Variants in MAML3 observed in about 807,000 individuals in gnomAD.
The protein encoded by MAML3 is mastermind-like protein 3.
A neutral mutation model predicts 101.9 loss-of-function variants in MAML3; 27 were observed. The observed-to-expected ratio is 0.27, with a 90% confidence interval of 0.20 to 0.37. MAML3 has a LOEUF of 0.37. MAML3 is among the 10% of genes least tolerant of loss of function. MAML3 has a pLI of 1.00. For synonymous variants in MAML3, 501 were observed against 555.9 expected, an observed-to-expected ratio of 0.90 and a Z score of 1.39; for missense variants, 1,316 against 1,444.9, an observed-to-expected ratio of 0.91 and a Z score of 1.45.
rs1017740619 is a variant in MAML3 at position 139,897,515 on chromosome 4, C to T, written c.469-6548G>A. Among the ~76,000 whole-genome samples, 11 of 152,232 alleles carry T rather than the reference C, an allele frequency of 7.2e-5. No homozygotes were observed. The South Asian group carries it at 2.1e-3, about 29-fold the overall frequency. The stretch of plus-strand genomic sequence containing the variant: ...GATCTTCCTTGGTTCCAGCATTTCC[C>T]CACCAACCATACCCAATTAAACCTC... On this transcript the variant is annotated intron_variant, in intron 1 of 4. Coordinates refer to ENST00000509479, the MANE Select transcript of MAML3 (RefSeq NM_018717.5).
At chr4:139,925,860 G>A (rs1463288670) in intron 1 of MAML3, among the ~76,000 whole-genome samples, 1 of 152,222 alleles carries the variant, frequency 6.6e-6, no homozygotes, top group Non-Finnish European at 1.5e-5. Context: ...GGCAAAGGAA[G>A]TGAAGGGTGT....
intron 1 of MAML3, among the ~76,000 whole-genome samples, chr4:139,960,509 A>T (rs980878233): frequency 6.6e-6 from 1 of 152,182 alleles, no homozygotes; most frequent in East Asian, 1.9e-4. Context: ...CAACCTATGG[A>T]GACACGTTCC....
At chr4:139,832,200 G>C in intron 2 of MAML3, among the ~76,000 whole-genome samples, 1 of 148,294 alleles carries the variant, frequency 6.7e-6, no homozygotes, top group East Asian at 2.0e-4. Context: ...CACCTCCCGG[G>C]TTCAAGTGAT....
intron 1 of MAML3, among the ~76,000 whole-genome samples, chr4:140,068,251 A>T (rs749309262): frequency 4.6e-5 from 7 of 152,136 alleles, no homozygotes; most frequent in Non-Finnish European, 1.0e-4. Context: ...GGCTTTATTA[A>T]TCTTTGCATT....
intron 2 of MAML3, among the ~76,000 whole-genome samples, chr4:139,818,998 T>C (rs1730932719): frequency 6.6e-6 from 1 of 152,190 alleles, no homozygotes; most frequent in South Asian, 2.1e-4. Context: ...TATGAACTCA[T>C]TTGGCTGGCA....
intron 1 of MAML3, among the ~76,000 whole-genome samples, chr4:140,150,091 C>A (rs1027405522): frequency 1.3e-5 from 2 of 151,988 alleles, no homozygotes; most frequent in Admixed American, 1.3e-4. Context: ...CTGTACACAG[C>A]CCTGGCATTT....
chr4:140,049,548 A>G (rs527366868), intron 1 of MAML3, among the ~76,000 whole-genome samples: 15 of 152,344 alleles, frequency 9.8e-5, no homozygotes, highest in East Asian at 9.6e-4. Flanking sequence ...ATATTGTACT[A>G]TTAAGAGCAA....
chr4:140,012,656 A>G (rs1726580867), intron 1 of MAML3, among the ~76,000 whole-genome samples: 1 of 152,338 alleles, frequency 6.6e-6, no homozygotes, highest in South Asian at 2.1e-4. Flanking sequence ...TTTGCTTAAT[A>G]ATTTAAAATC....
chr4:139,785,860 G>A lies in MAML3; in HGVS notation c.2080-55193C>T, dbSNP rs774970700. ...GGAATTCTAATGACAATTTAATAGCGGCCTGCCACATGGTCTAGGGAAAGT... is the reference window on the plus strand; with the variant it reads ...GGAATTCTAATGACAATTTAATAGCAGCCTGCCACATGGTCTAGGGAAAGT... On this transcript the variant is annotated intron_variant, in intron 2 of 4. Coordinates refer to ENST00000509479, the MANE Select transcript of MAML3 (RefSeq NM_018717.5). The surrounding 1 kb of genome is among the most constrained non-coding windows in gnomAD (Gnocchi z 4.3). Among the ~76,000 whole-genome samples the A allele has an allele frequency of 3.3e-5, 5 of 151,988 alleles. No individual in the cohort carries two copies. The highest frequency in any genetic ancestry group is 7.3e-5 in the African/African-American group (3 of 41,360).
chr4:139,786,363 T>C (rs1730303482), intron 2 of MAML3, among the ~76,000 whole-genome samples: 1 of 151,972 alleles, frequency 6.6e-6, no homozygotes, highest in South Asian at 2.1e-4. Flanking sequence ...AGGGGAAAAG[T>C]GGAGTCTCAC....
chr4:139,772,053 C>A (rs963806665), intron 2 of MAML3, among the ~76,000 whole-genome samples: 16 of 151,048 alleles, frequency 1.1e-4, no homozygotes, highest in African/African-American at 3.2e-4. Flanking sequence ...TCCTGGCTAA[C>A]ACGGTGAAAC....
At chr4:139,976,227 A>G (rs573960330) in intron 1 of MAML3, among the ~76,000 whole-genome samples, 1 of 152,344 alleles carries the variant, frequency 6.6e-6, no homozygotes, top group East Asian at 1.9e-4. Flanking sequence ...CAGGAAAGAC[A>G]GATCCTGTTC....
At chr4:139,999,072 G>A (rs757834502) in intron 1 of MAML3, among the ~76,000 whole-genome samples, 1 of 152,192 alleles carries the variant, frequency 6.6e-6, no homozygotes, top group East Asian at 1.9e-4. Context: ...TCATCTCTTC[G>A]ATGCATGTGC....
In MAML3 at chr4:139,889,484, G is replaced by T. The variant is rs894435919; in HGVS notation, c.1952C>A (p.Pro651Gln). The T allele has an allele frequency of 1.6e-4, 240 of 1,457,914 alleles. 1 individual carries two copies. Among genetic ancestry groups the T allele is most frequent in the South Asian group, 6.2e-4 (51 of 82,126 alleles). The allele number at this position is 1,457,914 out of a possible 1,614,324, so 90.3% of individuals were successfully genotyped here. A position where few individuals can be genotyped will look rare whatever the true frequency, so the allele number is the denominator to read the frequency against. ...GGGGGCCTGGAGCTGTGGAGGTGGCGGCTGCTGCTGCTGCTGCTGCTGCTG... is the reference window on the plus strand; with the variant it reads ...GGGGGCCTGGAGCTGTGGAGGTGGCTGCTGCTGCTGCTGCTGCTGCTGCTG... The part of the protein sequence containing the change: ...QQQQQQQQQQ[P>Q]PPPQLQAPRA... The change falls in exon 2 of 5, where the codon CCG becomes CAG. Residue 651 changes from proline (P) to glutamine (Q), a missense_variant. Transcript: ENST00000509479.
intron 2 of MAML3, among the ~76,000 whole-genome samples, chr4:139,731,676 G>T (rs1401721847): frequency 6.6e-6 from 1 of 152,002 alleles, no homozygotes; most frequent in Non-Finnish European, 1.5e-5. Context: ...TGTTGGATTG[G>T]GTCTCTTGAT....
At chr4:140,100,449 T>A (rs967716824) in intron 1 of MAML3, among the ~76,000 whole-genome samples, 2 of 152,072 alleles carry the variant, frequency 1.3e-5, no homozygotes, top group African/African-American at 2.4e-5. Context: ...ACCAAACAGA[T>A]AATTTATTGA....
intron 2 of MAML3, among the ~76,000 whole-genome samples, chr4:139,755,480 C>T (rs865922707): frequency 1.1e-4 from 16 of 152,078 alleles, no homozygotes; most frequent in South Asian, 2.1e-4. Flanking sequence ...TGGTGGTGGG[C>T]GCCTGTAGTC....
rs528544848 is a variant in MAML3, at chr4:140,097,318, T to A, written c.468+55542A>T. ...CCCACTCTCCTCAGTCTCTCTCTCCTTTCCTCTCTCCCTCCACCTTTCACC... is the reference window on the plus strand; with the variant it reads ...CCCACTCTCCTCAGTCTCTCTCTCCATTCCTCTCTCCCTCCACCTTTCACC... On this transcript the variant is annotated intron_variant, in intron 1 of 4. Coordinates refer to ENST00000509479, the MANE Select transcript of MAML3 (RefSeq NM_018717.5). Among the ~76,000 whole-genome samples, 5 of 152,298 alleles carry A rather than the reference T, an allele frequency of 3.3e-5. No homozygotes were observed. In the South Asian group the frequency reaches 1.0e-3, roughly 32 times the overall value.
intron 2 of MAML3, among the ~76,000 whole-genome samples, chr4:139,850,637 G>A (rs1327197766): frequency 7.4e-6 from 1 of 135,772 alleles, no homozygotes; most frequent in African/African-American, 2.5e-5. Flanking sequence ...GGACTTAAAC[G>A]ACCCTCGATC....
Sources: gnomAD v4.1 joint callset for allele counts (sites outside exome capture counted in the v4.1 genomes callset) on GRCh38, gnomAD v4.1.1 for gene constraint, Gnocchi (gnomAD v3.1) non-coding constraint, MANE v1.5 for transcripts, NCBI Gene and HGNC (gene_info 2026-07-23, HGNC 2026-07-21) for gene names.